MYO3B: variants seen among roughly 807,000 people sequenced by gnomAD.
MYO3B encodes the protein myosin-IIIb.
A neutral mutation model predicts 174.6 loss-of-function variants in MYO3B; 156 were observed. The ratio of observed to expected loss-of-function variants is 0.89; its 90% confidence interval spans 0.78 to 1.02. The LOEUF (loss-of-function observed/expected upper bound fraction) is 1.02. Ranked by LOEUF, MYO3B falls within the 50% of genes least tolerant of loss-of-function variation. The pLI is 0.00. For missense variants in MYO3B, 1,632 were observed against 1,639.4 expected, an observed-to-expected ratio of 1.00 and a Z score of 0.08; for synonymous variants, 563 against 569.1, an observed-to-expected ratio of 0.99 and a Z score of 0.15.
chr2:170,528,893 C>A (rs1185600471), intron 30 of MYO3B, among the ~76,000 whole-genome samples: 1 of 152,160 alleles, frequency 6.6e-6, no homozygotes, highest in Non-Finnish European at 1.5e-5. Flanking sequence ...CCTAAACAGA[C>A]TTGCTGTCAA....
At chr2:170,645,064 T>C (rs1698259811) in intron 32 of MYO3B, among the ~76,000 whole-genome samples, 3 of 152,156 alleles carry the variant, frequency 2.0e-5, no homozygotes, top group Admixed American at 2.0e-4. Context: ...TAGTTGCCAA[T>C]GTACGACAAA....
chr2:170,615,058 G>A (rs950357622), intron 32 of MYO3B, among the ~76,000 whole-genome samples: 1 of 152,006 alleles, frequency 6.6e-6, no homozygotes, highest in Admixed American at 6.6e-5. Context: ...ATTCACTACT[G>A]TGGAGTCCCT....
intron 7 of MYO3B, among the ~76,000 whole-genome samples, chr2:170,310,116 A>G (rs900510161): frequency 1.2e-4 from 18 of 152,228 alleles, no homozygotes; most frequent in Admixed American, 1.1e-3. Context: ...CTGAGCTATG[A>G]CTGAATAATA....
At chr2:170,324,300 T>C (rs1263836994) in intron 7 of MYO3B, among the ~76,000 whole-genome samples, 1 of 152,226 alleles carries the variant, frequency 6.6e-6, no homozygotes. Context: ...AAGGAAGTTT[T>C]GGTCAATAAA....
chr2:170,329,309 G>C lies in MYO3B; in HGVS notation c.750-6076G>C, dbSNP rs146032778. ...GATGCTACAAATTCATGTAATAAAA[G>C]GTCTAAAAGAATATAACCCATACTG... On this transcript the variant is annotated intron_variant, in intron 7 of 34. Coordinates refer to ENST00000408978, the MANE Select transcript of MYO3B (RefSeq NM_138995.5). Among the ~76,000 whole-genome samples the C allele has an allele frequency of 6.9e-3, 1,042 of 151,112 alleles. 12 individuals carry two copies. The highest frequency in any genetic ancestry group is 0.024 in the African/African-American group (976 of 41,082).
At position 170,503,477 on chromosome 2, in the gene MYO3B, T is replaced by TC. The variant is rs397942326; in HGVS notation, c.3370+1612_3370+1613insC. On this transcript the variant is annotated intron_variant, in intron 28 of 34. Coordinates refer to ENST00000408978, the MANE Select transcript of MYO3B (RefSeq NM_138995.5). ...TGTCTCCCTTTTTTTTTTTTTTTTT[T>TC]AGCCTTGCAAGCACCCAGCAGGACT... Among the ~76,000 whole-genome samples the TC allele has an allele frequency of 8.4e-4, 119 of 141,094 alleles. 2 individuals are homozygous for TC. Among genetic ancestry groups the TC allele is most frequent in the African/African-American group, 3.1e-3 (114 of 37,034 alleles). The allele number at this position is 141,094 out of a possible 152,430, so 92.6% of individuals were successfully genotyped here.
chr2:170,317,761 T>C (rs973730223), intron 7 of MYO3B, among the ~76,000 whole-genome samples: 6 of 152,276 alleles, frequency 3.9e-5, no homozygotes, highest in Middle Eastern at 3.4e-3. Flanking sequence ...CTGTGGGAAT[T>C]TATTCTTAAA....
intron 1 of MYO3B, among the ~76,000 whole-genome samples, chr2:170,185,834 A>G (rs1231568215): frequency 6.7e-6 from 1 of 149,650 alleles, no homozygotes; most frequent in East Asian, 2.0e-4. Context: ...TCAGTGTTTT[A>G]TAGTTTTCGT....
At chr2:170,260,635 C>T (rs776172040) in intron 7 of MYO3B, among the ~76,000 whole-genome samples, 1 of 152,132 alleles carries the variant, frequency 6.6e-6, no homozygotes, top group Admixed American at 6.5e-5. Context: ...CAATTGTATC[C>T]CAAACTGAAG....
At chr2:170,553,377 A>G (rs1438614498) in intron 32 of MYO3B, among the ~76,000 whole-genome samples, 1 of 152,230 alleles carries the variant, frequency 6.6e-6, no homozygotes, top group East Asian at 1.9e-4. Context: ...TGGCCTGGAT[A>G]TGAGACATGG....
At chr2:170,445,451 C>T (rs1274994502) in intron 23 of MYO3B, among the ~76,000 whole-genome samples, 1 of 152,102 alleles carries the variant, frequency 6.6e-6, no homozygotes, top group African/African-American at 2.4e-5. Context: ...AAACGATTCT[C>T]CTGCCTCAGC....
chr2:170,570,921 A>AT (rs1218635419), intron 32 of MYO3B, among the ~76,000 whole-genome samples: 17 of 152,316 alleles, frequency 1.1e-4, no homozygotes, highest in African/African-American at 4.1e-4. Flanking sequence ...ATGTAGATGG[A>AT]ACTCAATCTC....
At chr2:170,468,092 T>G (rs1684758343) in intron 25 of MYO3B, among the ~76,000 whole-genome samples, 1 of 152,110 alleles carries the variant, frequency 6.6e-6, no homozygotes, top group Non-Finnish European at 1.5e-5. Context: ...TGAACAGGAG[T>G]TTCAAAATGC....
intron 32 of MYO3B, among the ~76,000 whole-genome samples, chr2:170,649,341 T>C (rs1184589431): frequency 8.2e-5 from 7 of 85,372 alleles, no homozygotes; most frequent in African/African-American, 3.8e-4. Context: ...ATATATTATA[T>C]ATAAAATAAT....
At chr2:170,625,873 T>A (rs1167370472) in intron 32 of MYO3B, among the ~76,000 whole-genome samples, 3 of 152,188 alleles carry the variant, frequency 2.0e-5, no homozygotes, top group African/African-American at 7.2e-5. Flanking sequence ...TTTGAGTGAG[T>A]TTCTTAATCC....
intron 23 of MYO3B, among the ~76,000 whole-genome samples, chr2:170,462,683 A>G (rs1684367695): frequency 6.6e-6 from 1 of 152,266 alleles, no homozygotes; most frequent in Non-Finnish European, 1.5e-5. Flanking sequence ...CCACTCATGC[A>G]CTCTGCAAAC....
intron 7 of MYO3B, among the ~76,000 whole-genome samples, chr2:170,238,475 G>A (rs2093095934): frequency 1.3e-5 from 2 of 152,114 alleles, no homozygotes; most frequent in Non-Finnish European, 2.9e-5. Context: ...CTATTTGAAT[G>A]TGACTATTTT....
intron 32 of MYO3B, among the ~76,000 whole-genome samples, chr2:170,584,800 A>G (rs1478086604): frequency 6.6e-6 from 1 of 152,244 alleles, no homozygotes; most frequent in African/African-American, 2.4e-5. Context: ...GCTGCTAATG[A>G]GTTATTTTTA....
intron 7 of MYO3B, among the ~76,000 whole-genome samples, chr2:170,278,280 A>T (rs1230938022): frequency 1.3e-5 from 2 of 152,166 alleles, no homozygotes; most frequent in African/African-American, 2.4e-5. Flanking sequence ...TCGTAGTCTT[A>T]TATACAGCAA....
Sources: allele counts gnomAD v4.1 joint callset (sites outside exome capture counted in the v4.1 genomes callset), GRCh38; gene constraint gnomAD v4.1.1; transcripts MANE v1.5; gene names NCBI Gene and HGNC (gene_info 2026-07-23, HGNC 2026-07-21).